Variants in MAB21L3 observed in about 807,000 individuals in gnomAD.
MAB21L3 encodes protein mab-21-like 3.
A neutral mutation model predicts 37.7 loss-of-function variants in MAB21L3; 36 were observed. The ratio of observed to expected loss-of-function variants is 0.96; its 90% confidence interval spans 0.73 to 1.26. The LOEUF is 1.26. Among genes scored for constraint, MAB21L3 ranks in the 50% most tolerant of loss-of-function variants. The pLI is 0.00. For synonymous variants in MAB21L3, 186 were observed against 176.8 expected (o/e 1.05, Z -0.41); for missense variants, 430 against 447.3 (o/e 0.96, Z 0.35).
chr1:116,131,131 A>G (rs1319659577), intron 7 of MAB21L3, among the ~76,000 whole-genome samples: 1 of 152,238 alleles, frequency 6.6e-6, no homozygotes, highest in East Asian at 1.9e-4. Context: ...GGCATCATTC[A>G]CTGCTCTCAT....
rs543934898 is a variant in MAB21L3 at position 116,111,710 on chromosome 1, G to C, written c.-310G>C. The C allele has an allele frequency of 2.0e-5, 3 of 152,036 alleles. 1 individual carries two copies. The South Asian group carries it at 6.2e-4, about 32-fold the overall frequency. The allele number at this position is 152,036 out of a possible 1,614,324, so 9.4% of individuals were successfully genotyped here. A position where few individuals can be genotyped will look rare whatever the true frequency, so the allele number is the denominator to read the frequency against. The stretch of plus-strand genomic sequence containing the variant: ...ATAAGTTTTGCTGGCAAAACCAGAC[G>C]TGAGTGTTCCCTCGACTCTAAAGGG... On this transcript the variant is annotated 5_prime_UTR_variant, in exon 2 of 8. Transcript: ENST00000369500.
rs1309178535 is a variant in MAB21L3, at chr1:116,136,155, G to A, written c.*2790G>A. ...CAATTAGGCAGGAGAAGGAAATAAA[G>A]GGTATTCAATTAGGAAAAGAGGAAG... is the stretch of plus-strand genomic sequence containing the variant. On this transcript the variant is annotated 3_prime_UTR_variant, in exon 8 of 8. Transcript: ENST00000369500. 6.3e-5 allele frequency among the ~76,000 whole-genome samples: 9 copies of A among 143,688 alleles called. No homozygotes were observed. The highest frequency in any genetic ancestry group is 4.0e-4 in the East Asian group (2 of 4,986). The allele number at this position is 143,688 out of a possible 152,430, so 94.3% of individuals were successfully genotyped here. A position where few individuals can be genotyped will look rare whatever the true frequency, so the allele number is the denominator to read the frequency against.
At chr1:116,131,030 A>G (rs1304274811) in intron 7 of MAB21L3, among the ~76,000 whole-genome samples, 1 of 152,244 alleles carries the variant, frequency 6.6e-6, no homozygotes, top group Non-Finnish European at 1.5e-5. Context: ...TGGATAATTC[A>G]TTAATTCACT....
chr1:116,128,093 C>T, intron 6 of MAB21L3, 52 bp from the exon 7 acceptor site: 1 of 1,548,714 alleles, frequency 6.5e-7, no homozygotes, highest in Non-Finnish European at 8.8e-7. Context: ...TGGCTTTCTA[C>T]ACCAGTGAGC....
rs1237693463 is a variant in MAB21L3 at position 116,135,867 on chromosome 1, A to T, written c.*2502A>T. Reference sequence around the variant, plus strand: ...GTAATCCAGCATATAAACAGAACCAAAGACAAAAACCACATGATTATCTCA... The same window carrying T: ...GTAATCCAGCATATAAACAGAACCATAGACAAAAACCACATGATTATCTCA... On this transcript the variant is annotated 3_prime_UTR_variant, in exon 8 of 8. Transcript: ENST00000369500. 3.3e-5 allele frequency among the ~76,000 whole-genome samples: 5 copies of T among 151,290 alleles called. No homozygotes were observed. The highest frequency in any genetic ancestry group is 7.4e-5 in the Non-Finnish European group (5 of 67,622).
chr1:116,136,286 G>C lies in MAB21L3; in HGVS notation c.*2921G>C, dbSNP rs1370506913. Among the ~76,000 whole-genome samples, 3 of 152,024 alleles carry C rather than the reference G, an allele frequency of 2.0e-5. No homozygotes were observed. The highest frequency in any genetic ancestry group is 4.4e-5 in the Non-Finnish European group (3 of 67,988). Reference sequence around the variant, plus strand: ...ATAAGCAACTTCAGCAAAGTCTCAGGATACAAAATCAAAGTACAAAAATCA... The same window carrying C: ...ATAAGCAACTTCAGCAAAGTCTCAGCATACAAAATCAAAGTACAAAAATCA... On this transcript the variant is annotated 3_prime_UTR_variant, in exon 8 of 8. Coordinates refer to ENST00000369500, the MANE Select transcript of MAB21L3 (RefSeq NM_152367.3).
chr1:116,120,813 T>G, intron 3 of MAB21L3, 119 bp from the exon 4 acceptor site: 4 of 1,317,908 alleles, frequency 3.0e-6, no homozygotes, highest in Non-Finnish European at 4.1e-6. Flanking sequence ...AAGGCAGGAT[T>G]TTTGAGCTGA....
At chr1:116,132,087 G>A (rs1486700528) in intron 7 of MAB21L3, among the ~76,000 whole-genome samples, 1 of 152,202 alleles carries the variant, frequency 6.6e-6, no homozygotes, top group East Asian at 1.9e-4. Context: ...TGTTGGGACT[G>A]AGATAACTTT....
At chr1:116,131,128 T>C (rs1660055870) in intron 7 of MAB21L3, among the ~76,000 whole-genome samples, 1 of 152,242 alleles carries the variant, frequency 6.6e-6, no homozygotes, top group Admixed American at 6.5e-5. Flanking sequence ...ATAGGCATCA[T>C]TCACTGCTCT....
intron 7 of MAB21L3, among the ~76,000 whole-genome samples, chr1:116,132,216 A>T (rs1660083764): frequency 6.6e-6 from 1 of 152,152 alleles, no homozygotes. Context: ...GGCAACATAG[A>T]GCTGAGGAAT....
chr1:116,121,919 C>T (rs187353547), intron 4 of MAB21L3, among the ~76,000 whole-genome samples: 2 of 152,256 alleles, frequency 1.3e-5, no homozygotes, highest in South Asian at 2.1e-4. Flanking sequence ...TTCTTTATCT[C>T]GATTTTTATT....
intron 3 of MAB21L3, among the ~76,000 whole-genome samples, chr1:116,119,552 C>A (rs1198998833): frequency 1.3e-5 from 2 of 152,064 alleles, no homozygotes; most frequent in South Asian, 2.1e-4. Context: ...AGCCATTATA[C>A]CAAATTCAGA....
chr1:116,128,441 G>GC, intron 7 of MAB21L3, 102 bp downstream of exon 7: 1 of 1,120,722 alleles, frequency 8.9e-7, no homozygotes. Context: ...AGAAGGGGTA[G>GC]CATGTGTGAA....
intron 3 of MAB21L3, among the ~76,000 whole-genome samples, chr1:116,117,162 C>CATACAT (rs1553230659): frequency 3.5e-5 from 4 of 114,556 alleles, no homozygotes; most frequent in Non-Finnish European, 5.2e-5. Context: ...AATATACATA[C>CATACAT]ATATATATAT....
chr1:116,124,110 C>T lies in MAB21L3; in HGVS notation c.234C>T (p.Gly78=). 6.2e-7 allele frequency: 1 copy of T among 1,613,310 alleles called. No individual in the cohort carries two copies. Among genetic ancestry groups the T allele is most frequent in the Non-Finnish European group, 8.5e-7 (1 of 1,179,462 alleles). ...TCCTCGTCACAGTCCCAATAAAAGG[C>T]CTGGCCGGGTACAGGGAGGCCAGGG... ...SQFLVTVPIK[G]LAGYREAREQ... The change falls in exon 5 of 8, where the codon GGC becomes GGT. Residue 78 remains glycine, a synonymous_variant. Transcript: ENST00000369500.
At position 116,136,332 on chromosome 1, in the gene MAB21L3, T is replaced by A. The variant is rs1233803717; in HGVS notation, c.*2967T>A. On this transcript the variant is annotated 3_prime_UTR_variant, in exon 8 of 8. Transcript: ENST00000369500. ...AATCACAAGCATTCTTATACACCAA[T>A]AACAGACAGAGAGCCAAATCATGAG... 6.6e-6 allele frequency among the ~76,000 whole-genome samples: 1 copy of A among 151,864 alleles called. No individual in the cohort carries two copies. Among genetic ancestry groups the A allele is most frequent in the Non-Finnish European group, 1.5e-5 (1 of 67,922 alleles).
rs946667597 is a variant in MAB21L3 at position 116,135,572 on chromosome 1, C to G, written c.*2207C>G. On this transcript the variant is annotated 3_prime_UTR_variant, in exon 8 of 8. Coordinates refer to ENST00000369500, the MANE Select transcript of MAB21L3 (RefSeq NM_152367.3). ...GTACAAGGAGGAACTAGTACCATTC[C>G]TTCTGAAACTATTCCAATCAATTGA... 4.6e-5 allele frequency among the ~76,000 whole-genome samples: 7 copies of G among 152,220 alleles called. No homozygotes were observed. The highest frequency in any genetic ancestry group is 4.6e-4 in the Admixed American group (7 of 15,286).
chr1:116,127,414 G>A (rs1659938487), intron 5 of MAB21L3, 52 bp from the exon 6 acceptor site: 1 of 1,564,828 alleles, frequency 6.4e-7, no homozygotes, highest in Non-Finnish European at 8.7e-7. Context: ...TTGAACGCTT[G>A]TAATGTGCAA....
At chr1:116,124,996 G>A (rs1659862381) in intron 5 of MAB21L3, among the ~76,000 whole-genome samples, 1 of 146,774 alleles carries the variant, frequency 6.8e-6, no homozygotes, top group African/African-American at 2.6e-5. Context: ...TAAGAAAAAA[G>A]ATGAGCTGAC....
Sources: allele counts gnomAD v4.1 joint callset (sites outside exome capture counted in the v4.1 genomes callset), GRCh38; gene constraint gnomAD v4.1.1; transcripts MANE v1.5; gene names NCBI Gene and HGNC (gene_info 2026-07-23, HGNC 2026-07-21).